Variants in TOMM34 observed in about 807,000 individuals in gnomAD.
The protein encoded by TOMM34 is mitochondrial import receptor subunit TOM34.
A neutral mutation model predicts 37.4 loss-of-function variants in TOMM34; 24 were observed. The ratio of observed to expected loss-of-function variants is 0.64; its 90% CI spans 0.46 to 0.90. TOMM34 has a LOEUF of 0.90. TOMM34 is among the 40% of genes least tolerant of loss of function. The pLI is 0.00. For synonymous variants in TOMM34, 154 were observed against 148.9 expected (o/e 1.03, Z -0.25); for missense variants, 304 against 375.6 (o/e 0.81, Z 1.58).
chr20:44,957,344 C>T (rs750381672), intron 1 of TOMM34, among the ~76,000 whole-genome samples: 1 of 152,156 alleles, frequency 6.6e-6, no homozygotes, highest in Non-Finnish European at 1.5e-5. Context: ...AGGCACTCGC[C>T]ACCACGCCTG....
intron 1 of TOMM34, among the ~76,000 whole-genome samples, chr20:44,957,454 G>A (rs372371845): frequency 9.9e-5 from 15 of 152,216 alleles, no homozygotes; most frequent in South Asian, 2.1e-4. Context: ...GATTACAGAC[G>A]TGAGCCACCG....
At position 44,942,864 on chromosome 20, in the gene TOMM34, C is replaced by G; in HGVS notation, c.*245G>C. 1 of 570,704 alleles carries G rather than the reference C, an allele frequency of 1.8e-6. No individual in the cohort carries two copies. The highest frequency in any genetic ancestry group is 3.1e-6 in the Non-Finnish European group (1 of 319,352). 35.4% of individuals were successfully genotyped at this position (570,704 alleles called of 1,614,324 possible). On this transcript the variant is annotated 3_prime_UTR_variant, in exon 7 of 7. Coordinates refer to ENST00000372813, the MANE Select transcript of TOMM34 (RefSeq NM_006809.5). ...CTGGGCTGGGGGAATAGGGACAGAG[C>G]TTCAGCTTCACGCTTAGCTCTAGTG...
chr20:44,957,216 C>T (rs1197686574), intron 1 of TOMM34, among the ~76,000 whole-genome samples: 1 of 152,152 alleles, frequency 6.6e-6, no homozygotes, highest in Non-Finnish European at 1.5e-5. Flanking sequence ...GAGACAGAGT[C>T]CTGCTCTGTT....
chr20:44,942,992 G>A lies in TOMM34; in HGVS notation c.*117C>T, dbSNP rs145715335. The stretch of plus-strand genomic sequence containing the variant: ...GGTGGGAGGCCATCAAGGGATTGAG[G>A]AGGGGGCTTCAGAGCTCACTTGGGG... On this transcript the variant is annotated 3_prime_UTR_variant, in exon 7 of 7. Transcript: ENST00000372813. The A allele has an allele frequency of 2.2e-5, 20 of 894,824 alleles. No homozygotes were observed. In the South Asian group the frequency reaches 2.2e-4, roughly 10 times the overall value. The allele number at this position is 894,824 out of a possible 1,614,324, so 55.4% of individuals were successfully genotyped here.
intron 5 of TOMM34, among the ~76,000 whole-genome samples, chr20:44,947,007 G>A (rs1159824501): frequency 1.3e-5 from 2 of 152,156 alleles, no homozygotes; most frequent in African/African-American, 4.8e-5. Flanking sequence ...AAAACAGTGT[G>A]GCACAGACAC....
At position 44,942,725 on chromosome 20, in the gene TOMM34, T is replaced by G. The variant is rs1031388773; in HGVS notation, c.*384A>C. On this transcript the variant is annotated 3_prime_UTR_variant, in exon 7 of 7. Transcript: ENST00000372813. ...AGGAGCTCAGGTTGTTCAGATGAAC[T>G]GCAGTGAGTTGGGGTCTGGGGAAGC... 4.2e-6 allele frequency: 1 copy of G among 239,396 alleles called. No homozygotes were observed. The highest frequency in any genetic ancestry group is 1.1e-4 in the East Asian group (1 of 9,430). The allele number at this position is 239,396 out of a possible 1,614,324, so 14.8% of individuals were successfully genotyped here. A position where few individuals can be genotyped will look rare whatever the true frequency, so the allele number is the denominator to read the frequency against.
At position 44,942,695 on chromosome 20, in the gene TOMM34, G is replaced by T; in HGVS notation, c.*414C>A. On this transcript the variant is annotated 3_prime_UTR_variant, in exon 7 of 7. Coordinates refer to ENST00000372813, the MANE Select transcript of TOMM34 (RefSeq NM_006809.5). Reference sequence around the variant, plus strand: ...AGGTTTATCCCCCTCCTTCCACCCCGGCCCAGGAGCTCAGGTTGTTCAGAT... The same window carrying T: ...AGGTTTATCCCCCTCCTTCCACCCCTGCCCAGGAGCTCAGGTTGTTCAGAT... 4.7e-6 allele frequency: 1 copy of T among 211,404 alleles called. No individual in the cohort carries two copies. The highest frequency in any genetic ancestry group is 1.3e-4 in the East Asian group (1 of 7,630). The allele number at this position is 211,404 out of a possible 1,614,324, so 13.1% of individuals were successfully genotyped here.
At chr20:44,956,294 A>G in intron 2 of TOMM34, 92 bp downstream of exon 2, 2 of 1,235,552 alleles carry the variant, frequency 1.6e-6, no homozygotes, top group East Asian at 4.7e-5. Context: ...GATGTAATTG[A>G]TGGGATCCTT....
intron 1 of TOMM34, 90 bp downstream of exon 1, chr20:44,960,117 C>T (rs774283876): frequency 1.2e-4 from 172 of 1,461,914 alleles, no homozygotes; most frequent in Non-Finnish European, 1.4e-4. Context: ...GAGGGCCGGG[C>T]AGGACTGCTG....
At position 44,958,146 on chromosome 20, in the gene TOMM34, G is replaced by GTATA. The variant is rs1257491918; in HGVS notation, c.128-1662_128-1661insTATA. Among the ~76,000 whole-genome samples the GTATA allele has an allele frequency of 9.5e-5, 14 of 146,996 alleles. No individual in the cohort carries two copies. In the East Asian group the frequency reaches 1.6e-3, roughly 17 times the overall value. ...TATATATATGTATATGTATATATAT[G>GTATA]TGTGTGTGTGTGTGTGTGTTAACAG... is the stretch of plus-strand genomic sequence containing the variant. On this transcript the variant is annotated intron_variant, in intron 1 of 6. Transcript: ENST00000372813.
intron 6 of TOMM34, 76 bp from the exon 7 acceptor site, chr20:44,943,289 G>A: frequency 1.2e-6 from 2 of 1,600,386 alleles, no homozygotes; most frequent in Non-Finnish European, 8.6e-7. Flanking sequence ...GCAGCAAAGT[G>A]TTTTCAAACC....
intron 3 of TOMM34, among the ~76,000 whole-genome samples, chr20:44,952,242 T>C (rs1601144582): frequency 1.3e-5 from 2 of 152,372 alleles, no homozygotes; most frequent in East Asian, 1.9e-4. Flanking sequence ...TTTAAAGTGG[T>C]GATCTGTTGC....
chr20:44,960,296 C>G lies in TOMM34; in HGVS notation c.38G>C (p.Arg13Pro). ...GCGGAAACTCTCATTGCCGGCGGCG[C>G]GGAGCTCCTCCACAGAGTCTGGGAA... is the stretch of plus-strand genomic sequence containing the variant. ...PKFPDSVEEL[R>P]AAGNESFRNG... Residue 13 changes from arginine to proline, a missense_variant, in exon 1 of 7, where the codon CGC becomes CCC. Arg to Pro is a moderately radical substitution (Grantham distance 103). Coordinates refer to ENST00000372813, the MANE Select transcript of TOMM34 (RefSeq NM_006809.5). The G allele has an allele frequency of 6.3e-7, 1 of 1,585,000 alleles. No homozygotes were observed. Among genetic ancestry groups the G allele is most frequent in the Non-Finnish European group, 8.6e-7 (1 of 1,166,526 alleles).
rs559815198 is a variant in TOMM34, at chr20:44,954,897, G to A, written c.380+171C>T. Among the ~76,000 whole-genome samples the A allele has an allele frequency of 4.8e-4, 73 of 152,248 alleles. No individual in the cohort carries two copies. The South Asian group carries it at 6.0e-3, about 13-fold the overall frequency. On this transcript the variant is annotated intron_variant, in intron 3 of 6. Transcript: ENST00000372813. Reference sequence around the variant, plus strand: ...TTAGTAATTGACTCCCTGAAAACCTGCTAAATAAAAAAGCAGATTTTCCTT... The same window carrying A: ...TTAGTAATTGACTCCCTGAAAACCTACTAAATAAAAAAGCAGATTTTCCTT...
intron 5 of TOMM34, among the ~76,000 whole-genome samples, chr20:44,948,212 G>C (rs1480433202): frequency 6.6e-6 from 1 of 152,202 alleles, no homozygotes; most frequent in Non-Finnish European, 1.5e-5. Context: ...AGTGGTCACT[G>C]ACGGCAGCTC....
chr20:44,942,990 A>AG lies in TOMM34; in HGVS notation c.*118dup. On this transcript the variant is annotated 3_prime_UTR_variant, in exon 7 of 7. Coordinates refer to ENST00000372813, the MANE Select transcript of TOMM34 (RefSeq NM_006809.5). ...AGGGTGGGAGGCCATCAAGGGATTG[A>AG]GGAGGGGGCTTCAGAGCTCACTTGG... 1.3e-5 allele frequency: 11 copies of AG among 872,012 alleles called. No individual in the cohort carries two copies. Among genetic ancestry groups the AG allele is most frequent in the Non-Finnish European group, 1.9e-5 (10 of 537,002 alleles). The allele number at this position is 872,012 out of a possible 1,614,324, so 54.0% of individuals were successfully genotyped here. A position where few individuals can be genotyped will look rare whatever the true frequency, so the allele number is the denominator to read the frequency against.
At position 44,948,636 on chromosome 20, in the gene TOMM34, A is replaced by G. The variant is rs73907595; in HGVS notation, c.698+94T>C. The G allele has an allele frequency of 3.5e-4, 511 of 1,474,568 alleles. 3 individuals are homozygous for G. The African/African-American group carries it at 6.6e-3, about 19-fold the overall frequency. 91.3% of individuals were successfully genotyped at this position (1,474,568 alleles called of 1,614,324 possible). ...GTTTTCAGCCATAACATACTTGACTAAATGCTAGGGATGAAGGGCCCATTG... is the reference window on the plus strand; with the variant it reads ...GTTTTCAGCCATAACATACTTGACTGAATGCTAGGGATGAAGGGCCCATTG... On this transcript the variant is annotated intron_variant, in intron 5 of 6. Coordinates refer to ENST00000372813, the MANE Select transcript of TOMM34 (RefSeq NM_006809.5).
chr20:44,957,033 T>C (rs1223213707), intron 1 of TOMM34, among the ~76,000 whole-genome samples: 1 of 152,138 alleles, frequency 6.6e-6, no homozygotes, highest in African/African-American at 2.4e-5. Flanking sequence ...AGGGAAATGA[T>C]AATTGAGCTG....
chr20:44,944,935 T>C (rs73298551), intron 5 of TOMM34, among the ~76,000 whole-genome samples: 2,764 of 152,338 alleles, frequency 0.018, 95 homozygotes, highest in African/African-American at 0.062. Context: ...TAACTTTTCC[T>C]TTAACGACTT....
Sources: gnomAD v4.1 joint callset for allele counts (sites outside exome capture counted in the v4.1 genomes callset) on GRCh38, gnomAD v4.1.1 for gene constraint, MANE v1.5 for transcripts, NCBI Gene and HGNC (gene_info 2026-07-23, HGNC 2026-07-21) for gene names.